The following COL21A1 variants were observed in gnomAD, a reference collection of about 807,000 sequenced individuals.
COL21A1 encodes the protein collagen alpha-1(XXI) chain.
In COL21A1, 149 loss-of-function variants were observed where a neutral mutation model predicts 137.9. The ratio of observed to expected loss-of-function variants is 1.08; its 90% CI spans 0.95 to 1.24. The LOEUF (loss-of-function observed/expected upper bound fraction) is 1.24. COL21A1 is among the 50% of genes most tolerant of loss of function. The pLI, the probability that COL21A1 is intolerant of heterozygous loss-of-function variation, is 0.00. For missense variants in COL21A1, 1,167 were observed against 1,158.4 expected, an observed-to-expected ratio of 1.01 and a Z score of -0.11; for synonymous variants, 456 against 391.5, an observed-to-expected ratio of 1.16 and a Z score of -1.95.
chr6:56,390,536 G>T (rs1454167498), intron 1 of COL21A1, among the ~76,000 whole-genome samples: 1 of 91,994 alleles, frequency 1.1e-5, no homozygotes. Flanking sequence ...ACACACACAC[G>T]ACCCTACTAT....
chr6:56,332,534 A>C (rs1276116020), intron 1 of COL21A1, among the ~76,000 whole-genome samples: 1 of 151,314 alleles, frequency 6.6e-6, no homozygotes, highest in Non-Finnish European at 1.5e-5. Context: ...ATGGTATGGA[A>C]TTTATGTCTC....
chr6:56,295,657 A>T (rs1764147747), intron 1 of COL21A1, among the ~76,000 whole-genome samples: 1 of 151,898 alleles, frequency 6.6e-6, no homozygotes, highest in Non-Finnish European at 1.5e-5. Flanking sequence ...TTTTGGACAT[A>T]TTCTGTAAAA....
chr6:56,165,312 A>C (rs1327037099), intron 7 of COL21A1, among the ~76,000 whole-genome samples: 1 of 152,206 alleles, frequency 6.6e-6, no homozygotes, highest in Non-Finnish European at 1.5e-5. Context: ...TCCAATCAAT[A>C]AAAATTAGTT....
intron 24 of COL21A1, among the ~76,000 whole-genome samples, 180 bp from the exon 25 acceptor site, chr6:56,061,861 A>C (rs1765827200): frequency 6.6e-6 from 1 of 152,136 alleles, no homozygotes; most frequent in Non-Finnish European, 1.5e-5. Flanking sequence ...ACTAGGAAAT[A>C]TGTTGACTGA....
chr6:56,119,768 A>G (rs191309727), intron 16 of COL21A1, among the ~76,000 whole-genome samples: 8 of 152,200 alleles, frequency 5.3e-5, no homozygotes, highest in African/African-American at 1.4e-4. Context: ...CCTACAGTGA[A>G]CTCATTTTTG....
At chr6:56,113,114 C>G (rs1015275333) in intron 16 of COL21A1, among the ~76,000 whole-genome samples, 2 of 152,204 alleles carry the variant, frequency 1.3e-5, no homozygotes, top group Admixed American at 1.3e-4. Context: ...GAAAGGGAGC[C>G]TAGGCCATAA....
At chr6:56,116,773 A>G (rs1771968812) in intron 16 of COL21A1, among the ~76,000 whole-genome samples, 1 of 152,050 alleles carries the variant, frequency 6.6e-6, no homozygotes, top group African/African-American at 2.4e-5. Flanking sequence ...GTACAATAAA[A>G]TATAAATTGA....
chr6:56,299,310 C>A (rs184834263), intron 1 of COL21A1, among the ~76,000 whole-genome samples: 1 of 152,032 alleles, frequency 6.6e-6, no homozygotes, highest in African/African-American at 2.4e-5. Context: ...TTTTCAAATG[C>A]CAAATTGGAT....
chr6:56,371,759 T>A (rs2093989009), intron 1 of COL21A1, among the ~76,000 whole-genome samples: 1 of 152,170 alleles, frequency 6.6e-6, no homozygotes, highest in African/African-American at 2.4e-5. Context: ...CAAGAAGACC[T>A]TAGACTTTCC....
chr6:56,068,221 A>G (rs1453258042), intron 22 of COL21A1, among the ~76,000 whole-genome samples: 3 of 151,650 alleles, frequency 2.0e-5, no homozygotes, highest in Non-Finnish European at 4.4e-5. Flanking sequence ...TGATCTAGGC[A>G]CCATGTAGAC....
intron 17 of COL21A1, among the ~76,000 whole-genome samples, chr6:56,093,594 C>A (rs752648047): frequency 1.3e-5 from 2 of 152,228 alleles, no homozygotes; most frequent in African/African-American, 4.8e-5. Context: ...CCTAGGAATA[C>A]CCCTCTGGGC....
rs575933797 is a variant in COL21A1, at chr6:56,236,197, T to C, written c.-39+11190A>G. Among the ~76,000 whole-genome samples, 5 of 152,128 alleles carry C rather than the reference T, an allele frequency of 3.3e-5. No homozygotes were observed. In the East Asian group the frequency reaches 7.8e-4, roughly 24 times the overall value. ...GTGGTTTCAGAATATGATGTTCCACTTGGGGCATATATTAGCTGTCTTCAA... is the reference window on the plus strand; with the variant it reads ...GTGGTTTCAGAATATGATGTTCCACCTGGGGCATATATTAGCTGTCTTCAA... On this transcript the variant is annotated intron_variant, in intron 1 of 29. Transcript: ENST00000244728.
At chr6:56,128,593 C>G (rs995908207) in intron 12 of COL21A1, among the ~76,000 whole-genome samples, 2 of 152,142 alleles carry the variant, frequency 1.3e-5, no homozygotes, top group Non-Finnish European at 2.9e-5. Context: ...CTGGAGGCCA[C>G]GTAGAGAAAG....
rs191110368 is a variant in COL21A1 at position 56,060,914 on chromosome 6, G to T, written c.2329C>A (p.Pro777Thr). ...ACGGGCTTCCCATCCAAACCTGGGGGTCCCTGAGGACCTGGATCCCCAGGT... is the reference window on the plus strand; with the variant it reads ...ACGGGCTTCCCATCCAAACCTGGGGTTCCCTGAGGACCTGGATCCCCAGGT... ...GQPGDPGPQGPPGLDGKPGRE... is the reference protein window; with the variant it reads ...GQPGDPGPQGTPGLDGKPGRE... The change falls in exon 26 of 30, where the codon CCC becomes ACC. Residue 777 changes from proline to threonine, a missense_variant. Pro to Thr is a conservative substitution (Grantham distance 38). Coordinates refer to ENST00000244728, the MANE Select transcript of COL21A1 (RefSeq NM_030820.4). 31 of 1,576,894 alleles carry T rather than the reference G, an allele frequency of 2.0e-5. No homozygotes were observed. In the East Asian group the frequency reaches 7.0e-4, roughly 36 times the overall value.
intron 17 of COL21A1, among the ~76,000 whole-genome samples, chr6:56,083,205 G>A (rs530025727): frequency 5.3e-4 from 81 of 152,002 alleles, no homozygotes; most frequent in African/African-American, 1.9e-3. Context: ...TCTGCTTCCT[G>A]TGCATTCAGG....
intron 1 of COL21A1, among the ~76,000 whole-genome samples, chr6:56,214,782 T>C (rs995746767): frequency 6.6e-6 from 1 of 152,106 alleles, no homozygotes; most frequent in African/African-American, 2.4e-5. Context: ...ATTTTTGTCT[T>C]ATGTTTTCCA....
At chr6:56,084,812 C>G (rs984968941) in intron 17 of COL21A1, among the ~76,000 whole-genome samples, 1 of 151,998 alleles carries the variant, frequency 6.6e-6, no homozygotes, top group African/African-American at 2.4e-5. Flanking sequence ...GGTAAGAGAA[C>G]TAGAACAACT....
intron 1 of COL21A1, among the ~76,000 whole-genome samples, chr6:56,343,396 C>A (rs1582794766): frequency 6.6e-6 from 1 of 152,284 alleles, no homozygotes; most frequent in Middle Eastern, 3.4e-3. Flanking sequence ...CCAGAACCTG[C>A]AATAATAATT....
intron 1 of COL21A1, among the ~76,000 whole-genome samples, chr6:56,294,682 T>C (rs1316357824): frequency 6.6e-6 from 1 of 152,076 alleles, no homozygotes; most frequent in Non-Finnish European, 1.5e-5. Context: ...TCTCATTGTT[T>C]TAATGTACAG....
Sources: gnomAD v4.1 joint callset for allele counts (sites outside exome capture counted in the v4.1 genomes callset) on GRCh38, gnomAD v4.1.1 for gene constraint, MANE v1.5 for transcripts, NCBI Gene and HGNC (gene_info 2026-07-23, HGNC 2026-07-21) for gene names.